The following RHEX variants were observed in gnomAD, a reference collection of about 807,000 sequenced individuals.
RHEX encodes the protein regulator of hemoglobinization and erythroid cell expansion protein.
A neutral mutation model predicts 20.1 loss-of-function variants in RHEX; 18 were observed. That is an observed-to-expected ratio of 0.90 (90% CI 0.62 to 1.33). The LOEUF (loss-of-function observed/expected upper bound fraction) is 1.33, where lower values mean the gene tolerates loss of function less well. RHEX is among the 40% of genes most tolerant of loss of function. The probability of loss-of-function intolerance (pLI) is 0.00; values close to 1 mark genes in which losing one functional copy is unlikely to be tolerated. For missense variants in RHEX, 192 were observed against 214.3 expected (o/e 0.90, Z 0.65); for synonymous variants, 87 against 77.1 (o/e 1.13, Z -0.67).
At chr1:206,100,144 C>T (rs1663159657) in intron 4 of RHEX, among the ~76,000 whole-genome samples, 1 of 152,194 alleles carries the variant, frequency 6.6e-6, no homozygotes, top group Admixed American at 6.5e-5. Context: ...ATTTCACCTG[C>T]CTCTGCCTGC....
intron 1 of RHEX, among the ~76,000 whole-genome samples, chr1:206,055,888 C>G (rs894007369): frequency 6.6e-6 from 1 of 152,278 alleles, no homozygotes; most frequent in African/African-American, 2.4e-5. Flanking sequence ...GGTTTCCAAA[C>G]GCTGGCCCCC....
chr1:206,056,191 G>A (rs1662192069), intron 1 of RHEX, among the ~76,000 whole-genome samples: 3 of 147,766 alleles, frequency 2.0e-5, no homozygotes, highest in Admixed American at 6.6e-5. Flanking sequence ...TATTCTAGTG[G>A]GCCTAACCAC....
intron 1 of RHEX, among the ~76,000 whole-genome samples, chr1:206,077,281 A>T (rs1369810006): frequency 6.6e-6 from 1 of 152,222 alleles, no homozygotes; most frequent in Non-Finnish European, 1.5e-5. Flanking sequence ...AGCTCTTTAT[A>T]TATGCAAAAT....
intron 1 of RHEX, among the ~76,000 whole-genome samples, chr1:206,063,090 C>T (rs1458975419): frequency 6.6e-6 from 1 of 152,104 alleles, no homozygotes; most frequent in Non-Finnish European, 1.5e-5. Flanking sequence ...GAAGGCCTTA[C>T]TGACATTTGA....
chr1:206,068,601 A>G (rs1029888716), intron 1 of RHEX, among the ~76,000 whole-genome samples: 4 of 152,094 alleles, frequency 2.6e-5, no homozygotes, highest in Admixed American at 6.5e-5. Flanking sequence ...GAGAAGATAA[A>G]CCCTCTGGAA....
In RHEX at chr1:206,094,418, C is replaced by T. The variant is rs117382568; in HGVS notation, c.-96-3315C>T. Among the ~76,000 whole-genome samples, 63 of 152,258 alleles carry T rather than the reference C, an allele frequency of 4.1e-4. No homozygotes were observed. In the East Asian group the frequency reaches 0.01, roughly 25 times the overall value. On this transcript the variant is annotated intron_variant, in intron 1 of 5. Transcript: ENST00000331555. Reference sequence around the variant, plus strand: ...TAGACCAATCCAATTTTTAATAGTTCTAGTCACCATCGTGGTGGAGGATTT... The same window carrying T: ...TAGACCAATCCAATTTTTAATAGTTTTAGTCACCATCGTGGTGGAGGATTT...
At chr1:206,066,354 C>T (rs951204604) in intron 1 of RHEX, among the ~76,000 whole-genome samples, 23 of 152,228 alleles carry the variant, frequency 1.5e-4, no homozygotes, top group African/African-American at 9.6e-5. Flanking sequence ...CAGTGGCTCA[C>T]GCCTGTAATC....
intron 1 of RHEX, among the ~76,000 whole-genome samples, chr1:206,095,917 A>G (rs1490003283): frequency 1.3e-5 from 2 of 152,052 alleles, no homozygotes; most frequent in Admixed American, 1.3e-4. Flanking sequence ...TGCAGCCTCA[A>G]CCTGGACTCG....
At chr1:206,082,185 C>T (rs1662751241) in intron 1 of RHEX, among the ~76,000 whole-genome samples, 1 of 152,126 alleles carries the variant, frequency 6.6e-6, no homozygotes, top group Non-Finnish European at 1.5e-5. Flanking sequence ...AGGGACTCAG[C>T]CCAAGGGGTG....
At chr1:206,099,633 A>G (rs1663144753) in intron 3 of RHEX, 22 bp from the exon 4 acceptor site, 1 of 1,610,644 alleles carries the variant, frequency 6.2e-7, no homozygotes. Flanking sequence ...TCCACTTTTG[A>G]TCCCTGCCCT....
At chr1:206,079,715 C>A (rs1334247350) in intron 1 of RHEX, among the ~76,000 whole-genome samples, 1 of 152,094 alleles carries the variant, frequency 6.6e-6, no homozygotes, top group Admixed American at 6.6e-5. Flanking sequence ...GCTACCACGC[C>A]GGGCTAATTT....
chr1:206,060,780 T>C (rs1257344915), intron 1 of RHEX: 1 of 152,224 alleles, frequency 6.6e-6, no homozygotes, highest in Non-Finnish European at 1.5e-5. Context: ...GTGTCCCTCA[T>C]CTTGCTCCTG....
chr1:206,099,315 G>A (rs1176199901), intron 3 of RHEX, among the ~76,000 whole-genome samples: 1 of 151,260 alleles, frequency 6.6e-6, no homozygotes, highest in Non-Finnish European at 1.5e-5. Context: ...AACCCAGGCA[G>A]CTTCCACTTT....
At chr1:206,066,363 T>G (rs1413937694) in intron 1 of RHEX, among the ~76,000 whole-genome samples, 1 of 152,230 alleles carries the variant, frequency 6.6e-6, no homozygotes, top group Non-Finnish European at 1.5e-5. Context: ...ACGCCTGTAA[T>G]CCCAGCATTT....
At position 206,069,992 on chromosome 1, in the gene RHEX, G is replaced by A. The variant is rs533648000; in HGVS notation, c.-97+16727G>A. On this transcript the variant is annotated intron_variant, in intron 1 of 5. Coordinates refer to ENST00000331555, the MANE Select transcript of RHEX (RefSeq NM_001007544.4). The stretch of plus-strand genomic sequence containing the variant: ...AACCACATATATGTATAAATTCACC[G>A]TTACTTTTTAGCAATACTATAAAAT... Among the ~76,000 whole-genome samples the A allele has an allele frequency of 5.8e-4, 87 of 151,072 alleles. 2 individuals carry two copies. The highest frequency in any genetic ancestry group is 3.6e-3 in the Admixed American group (55 of 15,160).
intron 1 of RHEX, among the ~76,000 whole-genome samples, chr1:206,086,347 GT>G (rs374713458): frequency 1.3e-4 from 19 of 151,134 alleles, no homozygotes; most frequent in South Asian, 8.4e-4. Flanking sequence ...GCATTTTCCT[GT>G]TTTTTTTTCT....
intron 1 of RHEX, among the ~76,000 whole-genome samples, chr1:206,073,247 C>A (rs370491565): frequency 2.0e-5 from 3 of 152,092 alleles, no homozygotes; most frequent in African/African-American, 7.2e-5. Context: ...TCACTCTACT[C>A]CCAAGGCTTC....
At chr1:206,098,483 A>T in intron 3 of RHEX, 1 of 323,218 alleles carries the variant, frequency 3.1e-6, no homozygotes, top group Non-Finnish European at 5.8e-6. Context: ...TGCTCGTGTA[A>T]CCTGGTCTAA....
chr1:206,076,053 A>G (rs1270433342), intron 1 of RHEX, among the ~76,000 whole-genome samples: 5 of 152,268 alleles, frequency 3.3e-5, no homozygotes, highest in African/African-American at 4.8e-5. Context: ...ATAGGCATGC[A>G]TAAGTGTACT....
Sources: allele counts gnomAD v4.1 joint callset (sites outside exome capture counted in the v4.1 genomes callset), GRCh38; gene constraint gnomAD v4.1.1; transcripts MANE v1.5; gene names NCBI Gene and HGNC (gene_info 2026-07-23, HGNC 2026-07-21).